Variants in LAMA3 observed in about 807,000 individuals in gnomAD.
The protein encoded by LAMA3 is laminin subunit alpha 3, also known as laminin subunit alpha-3.
LAMA3 carries 281 observed loss-of-function variants against 402.0 expected under a neutral mutation model. The observed-to-expected ratio is 0.70, with a 90% CI of 0.63 to 0.77. The LOEUF is 0.77. Among genes scored for constraint, LAMA3 ranks in the 30% least tolerant of loss-of-function variants. The pLI, the probability that LAMA3 is intolerant of heterozygous loss-of-function variation, is 0.00. For synonymous variants in LAMA3, 1,431 were observed against 1,558.4 expected (o/e 0.92, Z 1.93); for missense variants, 3,840 against 4,215.5 (o/e 0.91, Z 2.47).
chr18:23,789,454 G>A (rs2062608996), intron 12 of LAMA3, among the ~76,000 whole-genome samples: 1 of 152,148 alleles, frequency 6.6e-6, no homozygotes, highest in Non-Finnish European at 1.5e-5. Context: ...TAAAATGTGG[G>A]ATAGCCATAC....
At chr18:23,882,518 G>A (rs1395607185) in intron 40 of LAMA3, among the ~76,000 whole-genome samples, 1 of 151,878 alleles carries the variant, frequency 6.6e-6, no homozygotes, top group Non-Finnish European at 1.5e-5. Context: ...GCTGAGGCAG[G>A]AGAATCGCTT....
rs2061221984 is a variant in LAMA3 at position 23,721,970 on chromosome 18, CCCT to C, written c.447+7899_447+7901del. ...AACAAAGATCTCAGTGTGTTGTTCT[CCCT>C]GATTAGTATCCTTTAGTGGTTTTCT... is the stretch of plus-strand genomic sequence containing the variant. On this transcript the variant is annotated intron_variant, in intron 2 of 74. Transcript: ENST00000313654. Among the ~76,000 whole-genome samples, 6 of 152,316 alleles carry C rather than the reference CCCT, an allele frequency of 3.9e-5. No homozygotes were observed. In the South Asian group the frequency reaches 1.2e-3, roughly 32 times the overall value.
At chr18:23,815,342 C>A in intron 16 of LAMA3, 102 bp downstream of exon 16, 2 of 1,344,482 alleles carry the variant, frequency 1.5e-6, no homozygotes, top group Non-Finnish European at 2.1e-6. Context: ...TTCTACAGTG[C>A]ATGGTAATCC....
intron 24 of LAMA3, among the ~76,000 whole-genome samples, chr18:23,836,137 A>T (rs866524170): frequency 7.2e-6 from 1 of 139,722 alleles, no homozygotes; most frequent in Non-Finnish European, 1.6e-5. Context: ...ACACACACAC[A>T]CACACTCACA....
At chr18:23,762,037 T>C (rs1297508122) in intron 7 of LAMA3, among the ~76,000 whole-genome samples, 1 of 152,024 alleles carries the variant, frequency 6.6e-6, no homozygotes, top group Non-Finnish European at 1.5e-5. Flanking sequence ...GACAACACAG[T>C]GAAACCTTGT....
intron 21 of LAMA3, among the ~76,000 whole-genome samples, chr18:23,824,972 AC>A (rs922124796): frequency 3.3e-5 from 5 of 152,122 alleles, no homozygotes; most frequent in Non-Finnish European, 7.4e-5. Context: ...TAGCAACTTC[AC>A]CTGGTTATTG....
chr18:23,746,669 A>G (rs2061656589), intron 2 of LAMA3, among the ~76,000 whole-genome samples: 1 of 152,098 alleles, frequency 6.6e-6, no homozygotes, highest in Admixed American at 6.5e-5. Context: ...TAAATGAATT[A>G]ATAGTATATC....
chr18:23,695,030 T>C lies in LAMA3; in HGVS notation c.294+5053T>C, dbSNP rs569126759. Among the ~76,000 whole-genome samples the C allele has an allele frequency of 2.0e-5, 3 of 152,336 alleles. No individual in the cohort carries two copies. In the South Asian group the frequency reaches 6.2e-4, roughly 32 times the overall value. On this transcript the variant is annotated intron_variant, in intron 1 of 74. Coordinates refer to ENST00000313654, the MANE Select transcript of LAMA3 (RefSeq NM_198129.4). Reference sequence around the variant, plus strand: ...TGGAATTGCTGTTTGATTTTAAAAGTACCTGAATTTCAACAATCTGTCTTC... The same window carrying C: ...TGGAATTGCTGTTTGATTTTAAAAGCACCTGAATTTCAACAATCTGTCTTC...
rs547780171 is a variant in LAMA3 at position 23,953,335 on chromosome 18, T to G, written c.9856+226T>G. Among the ~76,000 whole-genome samples the G allele has an allele frequency of 2.0e-4, 30 of 150,828 alleles. No homozygotes were observed. In the East Asian group the frequency reaches 3.3e-3, roughly 17 times the overall value. On this transcript the variant is annotated intron_variant, in intron 74 of 74. Coordinates refer to ENST00000313654, the MANE Select transcript of LAMA3 (RefSeq NM_198129.4). ...CAAGCCTGTAATTTTGTTTTTTTTT[T>G]TTGTTTTTTTTTTTGTTTTTTTTTG...
At chr18:23,889,905 C>A (rs1599014327) in intron 41 of LAMA3, 106 bp from the exon 42 acceptor site, 1 of 830,166 alleles carries the variant, frequency 1.2e-6, no homozygotes, top group East Asian at 2.4e-5. Context: ...GGTCTTCCAC[C>A]CATTGGGTTA....
At chr18:23,705,186 C>G (rs1236132990) in intron 1 of LAMA3, among the ~76,000 whole-genome samples, 1 of 152,128 alleles carries the variant, frequency 6.6e-6, no homozygotes, top group Non-Finnish European at 1.5e-5. Flanking sequence ...AGATGATCAT[C>G]ATAGGTTTGT....
chr18:23,816,562 C>T (rs2063179845), intron 18 of LAMA3, 75 bp downstream of exon 18: 2 of 1,222,568 alleles, frequency 1.6e-6, no homozygotes, highest in Non-Finnish European at 2.4e-6. Flanking sequence ...TGTGCTACAG[C>T]TCTGGAGAAG....
intron 2 of LAMA3, among the ~76,000 whole-genome samples, chr18:23,744,754 C>A (rs571895629): frequency 6.7e-6 from 1 of 148,338 alleles, no homozygotes; most frequent in East Asian, 2.0e-4. Context: ...ATGGCGTGAA[C>A]CTGGGAGGCG....
chr18:23,817,680 A>G (rs924542213), intron 18 of LAMA3, among the ~76,000 whole-genome samples: 3 of 152,178 alleles, frequency 2.0e-5, no homozygotes, highest in African/African-American at 7.2e-5. Flanking sequence ...GCATCACTGC[A>G]CTACAGCCTG....
At chr18:23,765,352 C>T (rs957263897) in intron 8 of LAMA3, among the ~76,000 whole-genome samples, 1 of 152,098 alleles carries the variant, frequency 6.6e-6, no homozygotes, top group Admixed American at 6.5e-5. Flanking sequence ...CCCCTCAGTC[C>T]GTTTTCCATA....
rs186796765 is a variant in LAMA3, at chr18:23,778,612, G to A, written c.1468+993G>A. On this transcript the variant is annotated intron_variant, in intron 11 of 74. Transcript: ENST00000313654. ...GAGGCACAGGTTCTCAGAAGGGCAC[G>A]CCTGCACCAAAGGAAGGGCACAGCA... 2.3e-3 allele frequency among the ~76,000 whole-genome samples: 344 copies of A among 152,214 alleles called. 3 individuals carry two copies. Among genetic ancestry groups the A allele is most frequent in the South Asian group, 0.014 (68 of 4,814 alleles).
intron 46 of LAMA3, 71 bp from the exon 47 acceptor site, chr18:23,899,217 C>CTTTT: frequency 8.8e-7 from 1 of 1,137,988 alleles, no homozygotes; most frequent in Non-Finnish European, 1.2e-6. Context: ...AAGTTTCTAC[C>CTTTT]TTTTTTTTTT....
intron 36 of LAMA3, among the ~76,000 whole-genome samples, chr18:23,866,094 G>A (rs181061999): frequency 1.3e-5 from 2 of 152,310 alleles, no homozygotes; most frequent in East Asian, 1.9e-4. Flanking sequence ...CTGAGGGGAC[G>A]TTTGTTTTTT....
intron 60 of LAMA3, among the ~76,000 whole-genome samples, chr18:23,919,620 C>T (rs970123750): frequency 1.3e-5 from 2 of 152,120 alleles, no homozygotes; most frequent in African/African-American, 4.8e-5. Context: ...AGCATTTGAA[C>T]AGGACATGGG....
Sources: gnomAD v4.1 joint callset for allele counts (sites outside exome capture counted in the v4.1 genomes callset) on GRCh38, gnomAD v4.1.1 for gene constraint, MANE v1.5 for transcripts, NCBI Gene and HGNC (gene_info 2026-07-23, HGNC 2026-07-21) for gene names.